SHROOM2: variants seen among roughly 807,000 people sequenced by gnomAD.
SHROOM2 encodes the protein protein Shroom2.
A neutral mutation model predicts 75.9 loss-of-function variants in SHROOM2; 33 were observed. The ratio of observed to expected loss-of-function variants is 0.43; its 90% CI spans 0.33 to 0.58. The LOEUF (loss-of-function observed/expected upper bound fraction) is 0.58, where lower values mean the gene tolerates loss of function less well. Ranked by LOEUF, SHROOM2 falls within the 20% of genes least tolerant of loss-of-function variation. The pLI is 0.04. For missense variants in SHROOM2, 1,434 were observed against 1,461.2 expected, an observed-to-expected ratio of 0.98 and a Z score of 0.30; for synonymous variants, 655 against 663.6, an observed-to-expected ratio of 0.99 and a Z score of 0.20.
At chrX:9,809,434 A>G (rs1215472614) in intron 1 of SHROOM2, among the ~76,000 whole-genome samples, 2 of 111,620 alleles carry the variant, frequency 1.8e-5, no homozygotes, top group Non-Finnish European at 3.8e-5. Flanking sequence ...ACCCTCACAG[A>G]CACACCCAGG....
Position 9,895,246 on chromosome X carries a change from G to T in SHROOM2, c.1338G>T (p.Glu446Asp), listed in dbSNP as rs140533569. The T allele has an allele frequency of 6.7e-6, 8 of 1,187,867 alleles. No homozygotes were observed. Among genetic ancestry groups the T allele is most frequent in the Non-Finnish European group, 7.9e-6 (7 of 883,038 alleles). Residue 446 changes from glutamate (E) to aspartate (D), a missense_variant, in exon 4 of 10, where the codon GAG becomes GAT. Transcript: ENST00000380913. ...TCTGTGCTGACAGCCTTGGGCAGGA[G>T]CCAGGGGCTGCCAGCTTCCAGAACG... is the stretch of plus-strand genomic sequence containing the variant. ...SPLCADSLGQ[E>D]PGAASFQNDS...
Position 9,937,562 on chromosome X carries a change from A to C in SHROOM2, c.4016A>C (p.Lys1339Thr), listed in dbSNP as rs1288437747. Reference protein sequence around the residue: ...SLADILDPSVKIKTTMDLMEG... With the variant: ...SLADILDPSVTIKTTMDLMEG... Reference sequence around the variant, plus strand: ...GCCGACATCCTGGATCCCAGTGTGAAGATCAAAACCACTATGGACTTGATG... The same window carrying C: ...GCCGACATCCTGGATCCCAGTGTGACGATCAAAACCACTATGGACTTGATG... Residue 1339 changes from lysine to threonine, a missense_variant, in exon 7 of 10, where the codon AAG becomes ACG. By Grantham distance (78) the Lys-to-Thr change is moderately conservative. Transcript: ENST00000380913. 1 of 1,211,956 alleles carries C rather than the reference A, an allele frequency of 8.3e-7. No homozygotes were observed. Among genetic ancestry groups the C allele is most frequent in the Admixed American group, 2.2e-5 (1 of 46,114 alleles).
chrX:9,843,667 C>T (rs1345681417), intron 1 of SHROOM2, among the ~76,000 whole-genome samples: 1 of 112,671 alleles, frequency 8.9e-6, no homozygotes, highest in Non-Finnish European at 1.9e-5. Context: ...TCCCAAAGTG[C>T]TGGGATTACA....
intron 5 of SHROOM2, among the ~76,000 whole-genome samples, chrX:9,900,637 G>A (rs1450636945): frequency 8.9e-6 from 1 of 111,993 alleles, no homozygotes; most frequent in East Asian, 2.8e-4. Flanking sequence ...TTAATATAAA[G>A]ACAAGTAGGG....
intron 1 of SHROOM2, among the ~76,000 whole-genome samples, chrX:9,844,018 T>C (rs1329367589): frequency 8.9e-6 from 1 of 112,676 alleles, no homozygotes; most frequent in Non-Finnish European, 1.9e-5. Context: ...TTTCCTTTGA[T>C]GATGAAATTT....
At position 9,895,548 on chromosome X, in the gene SHROOM2, C is replaced by T. The variant is rs1490620241; in HGVS notation, c.1640C>T (p.Ala547Val). ...PLDKGAEGCS[A>V]GAQEPPRASR... ...GACAAAGGGGCCGAGGGCTGCTCCG[C>T]GGGAGCCCAGGAGCCTCCCAGGGCC... The change falls in exon 4 of 10, where the codon GCG (alanine) becomes GTG (valine). Residue 547 changes from alanine to valine, a missense_variant. By Grantham distance (64) the Ala-to-Val change is moderately conservative. Transcript: ENST00000380913. 3.4e-6 allele frequency: 4 copies of T among 1,181,547 alleles called. No individual in the cohort carries two copies. The highest frequency in any genetic ancestry group is 2.3e-4 in the Middle Eastern group (1 of 4,301).
At position 9,932,523 on chromosome X, in the gene SHROOM2, C is replaced by T. The variant is rs780920054; in HGVS notation, c.3240C>T (p.Gly1080=). Residue 1080 remains glycine, a synonymous_variant, in exon 6 of 10, where the codon GGC becomes GGT. Transcript: ENST00000380913. ...REPRRYRATD[G]APADAPVGVL... ...CCAGGAGATACAGGGCCACAGACGG[C>T]GCACCTGCTGACGCCCCCGTGGGCG... 48 of 1,209,173 alleles carry T rather than the reference C, an allele frequency of 4.0e-5. 1 individual carries two copies. Among genetic ancestry groups the T allele is most frequent in the Non-Finnish European group, 5.3e-5 (47 of 894,700 alleles).
intron 2 of SHROOM2, among the ~76,000 whole-genome samples, chrX:9,889,719 T>C (rs1386146639): frequency 1.8e-5 from 2 of 112,125 alleles, no homozygotes; most frequent in African/African-American, 6.5e-5. Context: ...TTTAGCCTTT[T>C]GGTGTGGGTT....
intron 1 of SHROOM2, among the ~76,000 whole-genome samples, chrX:9,866,592 G>A (rs1218378497): frequency 1.8e-5 from 2 of 111,065 alleles, no homozygotes; most frequent in African/African-American, 3.3e-5. Context: ...TACCCCAGGA[G>A]TTCTGCAGAG....
At chrX:9,806,297 A>G (rs2083751493) in intron 1 of SHROOM2, among the ~76,000 whole-genome samples, 1 of 110,563 alleles carries the variant, frequency 9.0e-6, no homozygotes, top group South Asian at 3.8e-4. Context: ...GCCCATGAAC[A>G]TGTTCTAGTT....
intron 1 of SHROOM2, among the ~76,000 whole-genome samples, chrX:9,816,862 G>A (rs889940939): frequency 1.8e-5 from 2 of 111,823 alleles, no homozygotes; most frequent in East Asian, 2.8e-4. Context: ...TCAGAAACCC[G>A]TGCTATAGGG....
At chrX:9,912,827 A>C (rs1308476425) in intron 5 of SHROOM2, 4 of 112,409 alleles carry the variant, frequency 3.6e-5, no homozygotes, top group Non-Finnish European at 7.5e-5. Context: ...GAAATAATGC[A>C]AATCAGGGTG....
Position 9,891,075 on chromosome X carries a change from G to A in SHROOM2, c.416G>A (p.Gly139Asp), listed in dbSNP as rs1005093862. The stretch of plus-strand genomic sequence containing the variant: ...GCCTCCCCATTCACCTCCACCAGCG[G>A]CTGTCCTTCCTGGTCCGGCCGACAC... ...LAASPFTSTS[G>D]CPSWSGRHHA... The change falls in exon 3 of 10, where the codon GGC becomes GAC. Residue 139 changes from glycine to aspartate, a missense_variant. This residue lies in a region of SHROOM2 where 1,340 missense variants were observed against 1,338.3 expected (regional missense o/e 1.00). Coordinates refer to ENST00000380913, the MANE Select transcript of SHROOM2 (RefSeq NM_001649.4). 3 of 1,206,056 alleles carry A rather than the reference G, an allele frequency of 2.5e-6. No individual in the cohort carries two copies. The highest frequency in any genetic ancestry group is 1.1e-6 in the Non-Finnish European group (1 of 892,765).
intron 1 of SHROOM2, among the ~76,000 whole-genome samples, chrX:9,824,471 A>G (rs1178121421): frequency 9.0e-6 from 1 of 111,696 alleles, no homozygotes; most frequent in Non-Finnish European, 1.9e-5. Flanking sequence ...ATAAAATACA[A>G]TAAAAGATCA....
intron 1 of SHROOM2, among the ~76,000 whole-genome samples, chrX:9,836,735 C>A (rs1021024795): frequency 2.7e-5 from 3 of 111,387 alleles, no homozygotes; most frequent in African/African-American, 6.5e-5. Context: ...CCAATTTCTA[C>A]ACTATAAAAT....
intron 5 of SHROOM2, among the ~76,000 whole-genome samples, chrX:9,918,241 G>A (rs1389395242): frequency 8.9e-6 from 1 of 112,581 alleles, no homozygotes; most frequent in Non-Finnish European, 1.9e-5. Context: ...CTTCCTTGAA[G>A]GAGTTTGTCC....
chrX:9,896,774 C>T (rs2084335200), intron 4 of SHROOM2, 76 bp downstream of exon 4: 3 of 1,013,305 alleles, frequency 3.0e-6, no homozygotes, highest in African/African-American at 3.8e-5. Flanking sequence ...CAGTGGCTGA[C>T]GCCAGGGCTA....
chrX:9,883,054 A>G (rs2084240717), intron 2 of SHROOM2, among the ~76,000 whole-genome samples: 1 of 112,122 alleles, frequency 8.9e-6, no homozygotes. Context: ...TGCAGAGTTA[A>G]CCATTTCTAG....
intron 1 of SHROOM2, among the ~76,000 whole-genome samples, chrX:9,861,500 CTCTGA>C (rs1423446448): frequency 8.9e-6 from 1 of 111,828 alleles, no homozygotes; most frequent in Admixed American, 9.5e-5. Context: ...ACCACTTAAG[CTCTGA>C]TTTCCTCGTG....
Sources: gnomAD v4.1 joint callset for allele counts (sites outside exome capture counted in the v4.1 genomes callset) on GRCh38, gnomAD v4.1.1 for gene constraint, gnomAD v4.1.1 regional missense constraint, MANE v1.5 for transcripts, NCBI Gene and HGNC (gene_info 2026-07-23, HGNC 2026-07-21) for gene names.